Variants in CPA6 observed in about 807,000 individuals in gnomAD.
CPA6 encodes carboxypeptidase A6.
Under a neutral mutation model 63.3 loss-of-function variants are expected in CPA6, and 58 were observed. The ratio of observed to expected loss-of-function variants is 0.92; its 90% CI spans 0.74 to 1.14. CPA6 has a LOEUF of 1.14. Among genes scored for constraint, CPA6 ranks in the 50% most tolerant of loss-of-function variants. CPA6 has a pLI of 0.00. For synonymous variants in CPA6, 185 were observed against 179.0 expected, an observed-to-expected ratio of 1.03 and a Z score of -0.27; for missense variants, 565 against 526.6, an observed-to-expected ratio of 1.07 and a Z score of -0.71.
intron 1 of CPA6, among the ~76,000 whole-genome samples, chr8:67,721,611 C>T (rs1001445174): frequency 1.1e-4 from 16 of 152,094 alleles, no homozygotes; most frequent in African/African-American, 3.9e-4. Flanking sequence ...TGCAGATGAA[C>T]GATAGAGGTG....
chr8:67,434,070 T>C lies in CPA6; in HGVS notation c.1009A>G (p.Lys337Glu). ...CTAAAATTGGGAATTGTTGCATATT[T>C]GTAAGAATAGGGATACAGTAACATC... ...AQMLLYPYSYKYATIPNFRCV... is the reference protein window; with the variant it reads ...AQMLLYPYSYEYATIPNFRCV... Residue 337 changes from lysine to glutamate, a missense_variant, in exon 9 of 11, where the codon AAA becomes GAA. Physicochemically the swap from Lys to Glu is moderately conservative, Grantham distance 56. Coordinates refer to ENST00000297770, the MANE Select transcript of CPA6 (RefSeq NM_020361.5). 6.2e-7 allele frequency: 1 copy of C among 1,613,402 alleles called. No homozygotes were observed. Among genetic ancestry groups the C allele is most frequent in the South Asian group, 1.1e-5 (1 of 91,040 alleles).
intron 1 of CPA6, among the ~76,000 whole-genome samples, chr8:67,659,958 C>A (rs1375480947): frequency 1.3e-5 from 2 of 152,118 alleles, no homozygotes; most frequent in African/African-American, 2.4e-5. Flanking sequence ...AAGATAGCAA[C>A]CTTTAAAATA....
chr8:67,601,419 C>T (rs1196392132), intron 2 of CPA6, among the ~76,000 whole-genome samples: 1 of 152,146 alleles, frequency 6.6e-6, no homozygotes, highest in East Asian at 1.9e-4. Context: ...GCACTGGAAA[C>T]ATTCAGTATC....
chr8:67,654,351 T>G (rs1314520623), intron 1 of CPA6, among the ~76,000 whole-genome samples: 1 of 152,224 alleles, frequency 6.6e-6, no homozygotes, highest in Admixed American at 6.5e-5. Context: ...CTAGTAGAAT[T>G]CGGCTGTGAA....
intron 1 of CPA6, among the ~76,000 whole-genome samples, chr8:67,690,355 A>C: frequency 6.6e-6 from 1 of 152,220 alleles, no homozygotes; most frequent in East Asian, 1.9e-4. Context: ...GAGTTAATGA[A>C]TATTAATTAC....
chr8:67,456,848 G>C (rs751048861), intron 8 of CPA6, among the ~76,000 whole-genome samples: 1 of 152,178 alleles, frequency 6.6e-6, no homozygotes, highest in Admixed American at 6.5e-5. Flanking sequence ...TTTGAATACC[G>C]GCAGAAGAGA....
chr8:67,624,403 C>T (rs1815152019), intron 1 of CPA6, 152 bp from the exon 2 acceptor site: 1 of 512,998 alleles, frequency 1.9e-6, no homozygotes. Flanking sequence ...CCAATTTATT[C>T]TCTGATTGCA....
intron 8 of CPA6, among the ~76,000 whole-genome samples, chr8:67,445,091 G>T (rs1810382315): frequency 6.6e-6 from 1 of 152,200 alleles, no homozygotes; most frequent in South Asian, 2.1e-4. Context: ...TATGTGCTTA[G>T]AGGAATGAAT....
rs1564021352 is a variant in CPA6, at chr8:67,607,219, CT to C, written c.192+16956del. Among the ~76,000 whole-genome samples the C allele has an allele frequency of 1.8e-3, 196 of 108,712 alleles. 16 individuals carry two copies. Among genetic ancestry groups the C allele is most frequent in the South Asian group, 6.5e-3 (18 of 2,764 alleles). 71.3% of individuals were successfully genotyped at this position (108,712 alleles called of 152,430 possible). On this transcript the variant is annotated intron_variant, in intron 2 of 10. Transcript: ENST00000297770. ...TCTTCTTCTTCTTCTTCTTCTTCTT[CT>C]TCTTCTTCTTCTTCTTCTTCTTCTT... is the stretch of plus-strand genomic sequence containing the variant.
chr8:67,691,861 G>T (rs1587705654), intron 1 of CPA6, among the ~76,000 whole-genome samples: 1 of 152,156 alleles, frequency 6.6e-6, no homozygotes, highest in African/African-American at 2.4e-5. Flanking sequence ...AGTGTTATTT[G>T]TTTGAGACCA....
At chr8:67,484,003 C>A in intron 7 of CPA6, 145 bp from the exon 8 acceptor site, 1 of 684,218 alleles carries the variant, frequency 1.5e-6, no homozygotes, top group Non-Finnish European at 2.5e-6. Flanking sequence ...TGAAAAAGAG[C>A]ACTGGATTAG....
At chr8:67,663,361 T>C (rs1461507547) in intron 1 of CPA6, among the ~76,000 whole-genome samples, 1 of 152,020 alleles carries the variant, frequency 6.6e-6, no homozygotes, top group Non-Finnish European at 1.5e-5. Flanking sequence ...AAGCACAAAC[T>C]TTTTTTTATT....
intron 6 of CPA6, among the ~76,000 whole-genome samples, chr8:67,485,154 T>C (rs1173858473): frequency 1.3e-5 from 2 of 152,342 alleles, no homozygotes; most frequent in Non-Finnish European, 2.9e-5. Flanking sequence ...CTAAATCTAT[T>C]TGATAGCTTT....
chr8:67,512,656 C>T (rs193054069), intron 3 of CPA6, among the ~76,000 whole-genome samples: 81 of 152,290 alleles, frequency 5.3e-4, no homozygotes, highest in South Asian at 1.0e-3. Context: ...GCACTTCAGT[C>T]ATTTGCATTA....
At chr8:67,663,225 G>A (rs2128993172) in intron 1 of CPA6, among the ~76,000 whole-genome samples, 1 of 152,288 alleles carries the variant, frequency 6.6e-6, no homozygotes, top group South Asian at 2.1e-4. Context: ...CTGAAAACCA[G>A]TAAAGAGCTT....
chr8:67,486,183 T>C (rs1468107612), intron 6 of CPA6, among the ~76,000 whole-genome samples: 1 of 152,252 alleles, frequency 6.6e-6, no homozygotes, highest in East Asian at 1.9e-4. Flanking sequence ...CTTGTATTCC[T>C]GGGATAAGCC....
intron 3 of CPA6, among the ~76,000 whole-genome samples, chr8:67,515,866 A>AT (rs544263281): frequency 1.1e-4 from 16 of 152,066 alleles, no homozygotes; most frequent in Non-Finnish European, 2.1e-4. Context: ...AACTACTCAC[A>AT]TTTTGTCAGA....
intron 1 of CPA6, among the ~76,000 whole-genome samples, chr8:67,722,354 C>A (rs545303328): frequency 9.2e-5 from 14 of 152,256 alleles, no homozygotes; most frequent in African/African-American, 3.1e-4. Context: ...TCTGGATACT[C>A]CAATTCAGTA....
intron 1 of CPA6, among the ~76,000 whole-genome samples, chr8:67,701,666 T>C (rs1003581794): frequency 6.6e-6 from 1 of 152,202 alleles, no homozygotes; most frequent in Admixed American, 6.5e-5. Context: ...GTTATTCAGA[T>C]GTCCTACAAG....
Sources: allele counts gnomAD v4.1 joint callset (sites outside exome capture counted in the v4.1 genomes callset), GRCh38; gene constraint gnomAD v4.1.1; transcripts MANE v1.5; gene names NCBI Gene and HGNC (gene_info 2026-07-23, HGNC 2026-07-21).